Variants in NBPF15 observed in about 807,000 individuals in gnomAD.
The protein encoded by NBPF15 is NBPF member 15, also known as NBPF family member NBPF15.
NBPF15 carries 74 observed loss-of-function variants against 62.2 expected under a neutral mutation model. The ratio of observed to expected loss-of-function variants is 1.19; its 90% CI spans 0.99 to 1.44. The LOEUF (loss-of-function observed/expected upper bound fraction) is 1.44, where lower values mean the gene tolerates loss of function less well. Ranked by LOEUF, NBPF15 falls within the 40% of genes most tolerant of loss-of-function variation. NBPF15 has a pLI of 0.00. For synonymous variants in NBPF15, 244 were observed against 209.7 expected, an observed-to-expected ratio of 1.16 and a Z score of -1.41; for missense variants, 790 against 550.0, an observed-to-expected ratio of 1.44 and a Z score of -4.36.
At chr1:144,451,330 T>G (rs1467556696) in intron 4 of NBPF15, among the ~76,000 whole-genome samples, 1 of 151,418 alleles carries the variant, frequency 6.6e-6, no homozygotes, top group Non-Finnish European at 1.5e-5. Context: ...CAATCGGGCT[T>G]TACACCGAGA....
intron 14 of NBPF15, among the ~76,000 whole-genome samples, chr1:144,429,090 A>C (rs1351810314): frequency 6.6e-6 from 1 of 151,846 alleles, no homozygotes; most frequent in Non-Finnish European, 1.5e-5. Flanking sequence ...GTCAAAATGA[A>C]ACTTGGTTCT....
chr1:144,453,684 T>C (rs9970999), intron 4 of NBPF15, among the ~76,000 whole-genome samples: 7,020 of 124,904 alleles, frequency 0.056, 658 homozygotes, highest in African/African-American at 0.19. Flanking sequence ...GAACACCTCA[T>C]TAATAAGATA....
chr1:144,444,384 C>T (rs1205220571), intron 6 of NBPF15, among the ~76,000 whole-genome samples: 2 of 151,452 alleles, frequency 1.3e-5, no homozygotes, highest in Non-Finnish European at 2.9e-5. Flanking sequence ...ATAACGAAGG[C>T]ATTCTTAACA....
Position 144,440,000 on chromosome 1 carries a change from C to A in NBPF15, c.4G>T (p.Val2Leu). 6.2e-7 allele frequency: 1 copy of A among 1,607,636 alleles called. No individual in the cohort carries two copies. The highest frequency in any genetic ancestry group is 1.1e-5 in the South Asian group (1 of 90,872). ...CTGGACAAAGGGCCGGCTGATACCACCATGCTGACGTTTGTGGCAGAAGAG... is the reference window on the plus strand; with the variant it reads ...CTGGACAAAGGGCCGGCTGATACCAACATGCTGACGTTTGTGGCAGAAGAG... The part of the protein sequence containing the change: M[V>L]VSAGPLSSEK... The change falls in exon 8 of 22, where the codon GTG (valine) becomes TTG (leucine). Residue 2 changes from valine to leucine, a missense_variant. Coordinates refer to ENST00000581897, the MANE Select transcript of NBPF15 (RefSeq NM_001385408.1).
rs1553542320 is a variant in NBPF15 at position 144,440,052 on chromosome 1, A to T, written c.-35-14T>A. ...TGGAGTCAGGGACTGGGGAGAAGAA[A>T]CCCAAACATATGATGGGTTAAAAAC... On this transcript the variant is annotated splice_polypyrimidine_tract_variant and intron_variant, in intron 7 of 21. Coordinates refer to ENST00000581897, the MANE Select transcript of NBPF15 (RefSeq NM_001385408.1). 1 of 1,575,848 alleles carries T rather than the reference A, an allele frequency of 6.3e-7. No individual in the cohort carries two copies. The highest frequency in any genetic ancestry group is 1.3e-5 in the African/African-American group (1 of 74,164).
At chr1:144,440,831 CTTTTTT>C (rs782106062) in intron 6 of NBPF15, among the ~76,000 whole-genome samples, 2 of 143,272 alleles carry the variant, frequency 1.4e-5, no homozygotes, top group Non-Finnish European at 3.1e-5. Context: ...TTTTCTTTTT[CTTTTTT>C]TTTTTGTATT....
intron 13 of NBPF15, among the ~76,000 whole-genome samples, chr1:144,432,901 C>G (rs1675532538): frequency 1.3e-5 from 2 of 151,718 alleles, no homozygotes; most frequent in African/African-American, 4.8e-5. Flanking sequence ...ATCAATGAGA[C>G]AGAAGCTTAA....
At chr1:144,443,961 G>T (rs1269593268) in intron 6 of NBPF15, among the ~76,000 whole-genome samples, 36 of 151,436 alleles carry the variant, frequency 2.4e-4, no homozygotes, top group Non-Finnish European at 4.9e-4. Flanking sequence ...AGGTCCGTTT[G>T]CATTTTTAAC....
intron 3 of NBPF15, among the ~76,000 whole-genome samples, chr1:144,457,433 A>T (rs1553547286): frequency 2.6e-5 from 4 of 151,900 alleles, no homozygotes; most frequent in Non-Finnish European, 2.9e-5. Flanking sequence ...ACAAAGGTTT[A>T]TTTTTCATTG....
At chr1:144,423,730 C>T (rs1203987145) in intron 21 of NBPF15, 140 bp downstream of exon 21, 5 of 684,704 alleles carry the variant, frequency 7.3e-6, no homozygotes, top group Non-Finnish European at 1.3e-5. Flanking sequence ...ACATCTACTG[C>T]AATGAAAACC....
intron 6 of NBPF15, among the ~76,000 whole-genome samples, chr1:144,443,196 G>T (rs1276227078): frequency 5.3e-5 from 8 of 151,634 alleles, no homozygotes; most frequent in Admixed American, 2.6e-4. Context: ...TGTGTGGCTG[G>T]AAAACTTTTT....
chr1:144,446,106 G>A (rs1553543975), intron 6 of NBPF15, among the ~76,000 whole-genome samples: 1 of 151,294 alleles, frequency 6.6e-6, no homozygotes, highest in Non-Finnish European at 1.5e-5. Flanking sequence ...GCCCACCTCG[G>A]CCTCCCAAAG....
rs9438312 is a variant in NBPF15 at position 144,437,307 on chromosome 1, C to T, written c.279-198G>A. Among the ~76,000 whole-genome samples, 444 of 146,656 alleles carry T rather than the reference C, an allele frequency of 3.0e-3. 2 individuals are homozygous for T. The South Asian group carries it at 0.038, about 13-fold the overall frequency. On this transcript the variant is annotated intron_variant, in intron 9 of 21. Coordinates refer to ENST00000581897, the MANE Select transcript of NBPF15 (RefSeq NM_001385408.1). ...GCTTCCTCTGTATCAGAGAGGGCTC[C>T]TGCAAGATCCTCGATGATGTTCCAT...
At chr1:144,440,392 C>G (rs1681869622) in intron 6 of NBPF15, 97 bp from the exon 7 acceptor site, 3 of 645,214 alleles carry the variant, frequency 4.6e-6, no homozygotes, top group African/African-American at 1.9e-5. Context: ...CACAGGCACC[C>G]TAGTCTCACC....
chr1:144,423,142 G>A lies in NBPF15; in HGVS notation c.1884C>T (p.Tyr628=), dbSNP rs587675190. The change falls in exon 22 of 22, where the codon TAC becomes TAT. Residue 628 remains tyrosine, a synonymous_variant. Coordinates refer to ENST00000581897, the MANE Select transcript of NBPF15 (RefSeq NM_001385408.1). Reference sequence around the variant, plus strand: ...CCTCAAATGAGTAAAACACACTTCTGTAGTGCTGGAATGAGTCAGGTTGTT... The same window carrying A: ...CCTCAAATGAGTAAAACACACTTCTATAGTGCTGGAATGAGTCAGGTTGTT... ...YFEQPDSFQH[Y]RSVFYSFEEE... 10 of 1,611,480 alleles carry A rather than the reference G, an allele frequency of 6.2e-6. No homozygotes were observed. The highest frequency in any genetic ancestry group is 2.2e-5 in the South Asian group (2 of 90,976).
At chr1:144,425,396 T>C (rs1669015753) in intron 19 of NBPF15, 121 bp downstream of exon 19, 1 of 271,092 alleles carries the variant, frequency 3.7e-6, no homozygotes, top group South Asian at 2.4e-5. Context: ...GCAATGTTAG[T>C]AGGAATAATT....
At chr1:144,438,917 G>A (rs1680758749) in intron 8 of NBPF15, among the ~76,000 whole-genome samples, 1 of 151,956 alleles carries the variant, frequency 6.6e-6, no homozygotes, top group South Asian at 2.1e-4. Flanking sequence ...AAGACTCTGT[G>A]CCCCAGGAAG....
At chr1:144,434,997 A>T in intron 12 of NBPF15, 114 bp downstream of exon 12, 1 of 1,591,450 alleles carries the variant, frequency 6.3e-7, no homozygotes, top group Non-Finnish European at 8.6e-7. Context: ...ATATCTGTTT[A>T]GAAACCCATC....
At chr1:144,425,125 G>A (rs1490641438) in intron 19 of NBPF15, among the ~76,000 whole-genome samples, 8 of 147,480 alleles carry the variant, frequency 5.4e-5, no homozygotes, top group African/African-American at 2.1e-4. Context: ...CACAGAGAGA[G>A]AGAACGAGCT....
Sources: allele counts gnomAD v4.1 joint callset (sites outside exome capture counted in the v4.1 genomes callset), GRCh38; gene constraint gnomAD v4.1.1; transcripts MANE v1.5; gene names NCBI Gene and HGNC (gene_info 2026-07-23, HGNC 2026-07-21).